FMNL2: variants seen among roughly 807,000 people sequenced by gnomAD.
FMNL2 encodes formin like 2.
Under a neutral mutation model 130.2 loss-of-function variants are expected in FMNL2, and 51 were observed. The ratio of observed to expected loss-of-function variants is 0.39; its 90% CI spans 0.31 to 0.49. FMNL2 has a LOEUF of 0.49. Among genes scored for constraint, FMNL2 ranks in the 20% least tolerant of loss-of-function variants. FMNL2 has a pLI of 0.85. For synonymous variants in FMNL2, 465 were observed against 467.1 expected, an observed-to-expected ratio of 1.00 and a Z score of 0.06; for missense variants, 977 against 1,316.2, an observed-to-expected ratio of 0.74 and a Z score of 3.99.
At chr2:152,622,328 C>T (rs771103818) in intron 15 of FMNL2, among the ~76,000 whole-genome samples, 27 of 152,100 alleles carry the variant, frequency 1.8e-4, no homozygotes, top group Non-Finnish European at 3.4e-4. Flanking sequence ...TTTTTCTTCC[C>T]TCTTCTAAAA....
chr2:152,369,582 T>A (rs969957758), intron 1 of FMNL2, among the ~76,000 whole-genome samples: 1 of 152,214 alleles, frequency 6.6e-6, no homozygotes, highest in Non-Finnish European at 1.5e-5. Context: ...GGTAGAGGTT[T>A]ATTGGTGCAC....
At chr2:152,586,689 C>T (rs1697095034) in intron 9 of FMNL2, among the ~76,000 whole-genome samples, 1 of 152,168 alleles carries the variant, frequency 6.6e-6, no homozygotes, top group African/African-American at 2.4e-5. Flanking sequence ...TGGTATCAGG[C>T]CAGAATTAGA....
At chr2:152,480,938 G>A (rs1286927569) in intron 1 of FMNL2, among the ~76,000 whole-genome samples, 1 of 152,058 alleles carries the variant, frequency 6.6e-6, no homozygotes, top group Non-Finnish European at 1.5e-5. Context: ...CAAAATTTTG[G>A]CCTCTCTGTT....
intron 1 of FMNL2, among the ~76,000 whole-genome samples, chr2:152,359,583 G>C (rs1415864242): frequency 6.6e-6 from 1 of 151,802 alleles, no homozygotes; most frequent in East Asian, 1.9e-4. Flanking sequence ...AGCTGGGGCA[G>C]TGGTGAGACA....
chr2:152,456,697 A>C (rs1688975635), intron 1 of FMNL2, among the ~76,000 whole-genome samples: 1 of 152,090 alleles, frequency 6.6e-6, no homozygotes, highest in Non-Finnish European at 1.5e-5. Context: ...TAATCCCAGC[A>C]CTTTAGGAGA....
At chr2:152,559,855 C>T (rs1695428481) in intron 5 of FMNL2, among the ~76,000 whole-genome samples, 1 of 152,204 alleles carries the variant, frequency 6.6e-6, no homozygotes, top group East Asian at 1.9e-4. Context: ...TTACCTCCTG[C>T]AGCCAAAGGC....
intron 1 of FMNL2, among the ~76,000 whole-genome samples, chr2:152,450,943 G>T (rs1038850058): frequency 2.0e-5 from 3 of 152,198 alleles, no homozygotes; most frequent in Non-Finnish European, 4.4e-5. Context: ...GCAGGTCGCT[G>T]GGTCTCCAGG....
At chr2:152,538,379 A>G (rs1694118364) in intron 2 of FMNL2, among the ~76,000 whole-genome samples, 1 of 152,126 alleles carries the variant, frequency 6.6e-6, no homozygotes, top group South Asian at 2.1e-4. Context: ...TCCTGGGTTC[A>G]AGTAATCCTC....
intron 1 of FMNL2, among the ~76,000 whole-genome samples, chr2:152,440,170 G>C (rs1384839531): frequency 6.6e-6 from 1 of 152,072 alleles, no homozygotes; most frequent in Non-Finnish European, 1.5e-5. Flanking sequence ...GCCCAGGCTG[G>C]TCTGAAATCC....
intron 1 of FMNL2, among the ~76,000 whole-genome samples, chr2:152,384,806 T>G (rs1181378552): frequency 3.9e-5 from 6 of 152,156 alleles, no homozygotes; most frequent in Non-Finnish European, 8.8e-5. Flanking sequence ...CCTGCACACG[T>G]TTCTAAAATC....
At chr2:152,478,397 C>G (rs1002633422) in intron 1 of FMNL2, among the ~76,000 whole-genome samples, 1 of 151,444 alleles carries the variant, frequency 6.6e-6, no homozygotes, top group Non-Finnish European at 1.5e-5. Flanking sequence ...GCCAACGTGC[C>G]CAGCTAATTT....
intron 1 of FMNL2, among the ~76,000 whole-genome samples, chr2:152,353,349 C>A (rs1469034947): frequency 6.6e-6 from 1 of 152,162 alleles, no homozygotes; most frequent in East Asian, 1.9e-4. Flanking sequence ...TATATCTGTG[C>A]AAACAACTTG....
In FMNL2 at chr2:152,600,608, C is replaced by T. The variant is rs116585289; in HGVS notation, c.877-6731C>T. Among the ~76,000 whole-genome samples the T allele has an allele frequency of 7.6e-3, 1,160 of 152,254 alleles. 11 individuals carry two copies. Among genetic ancestry groups the T allele is most frequent in the African/African-American group, 0.027 (1,107 of 41,530 alleles). On this transcript the variant is annotated intron_variant, in intron 9 of 25. Transcript: ENST00000288670. The stretch of plus-strand genomic sequence containing the variant: ...TTTAGGGAAAGCATCCCCTAACCGC[C>T]GCCCACCCTTTGAGATGCTTTAAAC...
intron 9 of FMNL2, among the ~76,000 whole-genome samples, chr2:152,604,664 C>A (rs1013945732): frequency 6.6e-6 from 1 of 151,724 alleles, no homozygotes; most frequent in Non-Finnish European, 1.5e-5. Context: ...GGTATGATCT[C>A]GGCTCACTGC....
chr2:152,575,136 A>C lies in FMNL2; in HGVS notation c.597A>C (p.Arg199=). 4 of 1,578,694 alleles carry C rather than the reference A, an allele frequency of 2.5e-6. No individual in the cohort carries two copies. The highest frequency in any genetic ancestry group is 3.5e-6 in the Non-Finnish European group (4 of 1,154,696). Residue 199 remains arginine, a splice_region_variant and synonymous_variant, in exon 7 of 26, where the codon CGA becomes CGC. Transcript: ENST00000288670. ...TAGAAGTTTCTCTTTTTGTTTGTAG[A>C]TATAATACATTGCCAAGCAGAAGAA... ...VSRSGRHSAL[R]YNTLPSRRTL...
Position 152,643,335 on chromosome 2 carries a change from A to G in FMNL2, c.3169+2421A>G, listed in dbSNP as rs182059879. ...CCCCCATCCCCAGGTATGATTAACA[A>G]TGCACTAACCATGTACTAATGCAAT... On this transcript the variant is annotated intron_variant, in intron 25 of 25. Coordinates refer to ENST00000288670, the MANE Select transcript of FMNL2 (RefSeq NM_052905.4). 9.2e-5 allele frequency: 139 copies of G among 1,515,810 alleles called. No individual in the cohort carries two copies. In the African/African-American group the frequency reaches 1.7e-3, roughly 19 times the overall value. The allele number at this position is 1,515,810 out of a possible 1,614,324, so 93.9% of individuals were successfully genotyped here. A position where few individuals can be genotyped will look rare whatever the true frequency, so the allele number is the denominator to read the frequency against.
chr2:152,371,069 A>G (rs1683847038), intron 1 of FMNL2, among the ~76,000 whole-genome samples: 1 of 152,228 alleles, frequency 6.6e-6, no homozygotes, highest in Non-Finnish European at 1.5e-5. Flanking sequence ...AGGAGTTTCT[A>G]CAGACTGCAT....
intron 1 of FMNL2, among the ~76,000 whole-genome samples, chr2:152,519,643 T>C (rs1692968277): frequency 6.6e-6 from 1 of 152,206 alleles, no homozygotes; most frequent in Non-Finnish European, 1.5e-5. Context: ...GGTCCTGTCT[T>C]TGTTCCTGTA....
intron 1 of FMNL2, among the ~76,000 whole-genome samples, chr2:152,401,807 G>A (rs781307076): frequency 9.3e-5 from 14 of 150,594 alleles, no homozygotes; most frequent in East Asian, 2.0e-4. Flanking sequence ...GGCCTAATAC[G>A]CTATTCATAA....
Sources: gnomAD v4.1 joint callset for allele counts (sites outside exome capture counted in the v4.1 genomes callset) on GRCh38, gnomAD v4.1.1 for gene constraint, MANE v1.5 for transcripts, NCBI Gene and HGNC (gene_info 2026-07-23, HGNC 2026-07-21) for gene names.